Variants in AIRE observed in about 807,000 individuals in gnomAD.
AIRE encodes autoimmune polyendocrinopathy candidiasis ectodermal dystrophy protein.
In AIRE, 52 loss-of-function variants were observed where a neutral mutation model predicts 62.1. The ratio of observed to expected loss-of-function variants is 0.84; its 90% CI spans 0.67 to 1.06. AIRE has a LOEUF of 1.06. AIRE is among the 50% of genes least tolerant of loss of function. AIRE has a pLI of 0.00. For synonymous variants in AIRE, 342 were observed against 321.6 expected, an observed-to-expected ratio of 1.06 and a Z score of -0.68; for missense variants, 774 against 755.8, an observed-to-expected ratio of 1.02 and a Z score of -0.28.
At position 44,292,474 on chromosome 21, in the gene AIRE, AC is replaced by A. The variant is rs5844181; in HGVS notation, c.1095+78del. Reference sequence around the variant, plus strand: ...GCCACGCCCCCTCCTAGGCTGGGCCACCCCCTCCTGTCCGTCTGTCCCCTGG... The same window carrying A: ...GCCACGCCCCCTCCTAGGCTGGGCCACCCCTCCTGTCCGTCTGTCCCCTGG... On this transcript the variant is annotated intron_variant, in intron 9 of 13. Transcript: ENST00000291582. The A allele has an allele frequency of 0.57, 551,431 of 974,864 alleles. 161,774 individuals carry two copies. The highest frequency in any genetic ancestry group is 0.62 in the East Asian group (23,377 of 37,790). 60.4% of individuals were successfully genotyped at this position (974,864 alleles called of 1,614,324 possible). A position where few individuals can be genotyped will look rare whatever the true frequency, so the allele number is the denominator to read the frequency against.
chr21:44,293,753 G>A (rs1568929951), intron 10 of AIRE, 36 bp from the exon 11 acceptor site: 1 of 1,594,976 alleles, frequency 6.3e-7, no homozygotes, highest in South Asian at 1.1e-5. Flanking sequence ...ATTTCCCCCG[G>A]CCCCCCGCGT....
chr21:44,293,212 G>A lies in AIRE; in HGVS notation c.1278+37G>A, dbSNP rs764768203. The A allele has an allele frequency of 5.0e-5, 75 of 1,514,264 alleles. No individual in the cohort carries two copies. The African/African-American group carries it at 9.9e-4, about 20-fold the overall frequency. The allele number at this position is 1,514,264 out of a possible 1,614,324, so 93.8% of individuals were successfully genotyped here. A position where few individuals can be genotyped will look rare whatever the true frequency, so the allele number is the denominator to read the frequency against. On this transcript the variant is annotated intron_variant, in intron 10 of 13. Coordinates refer to ENST00000291582, the MANE Select transcript of AIRE (RefSeq NM_000383.4). ...GTGGGGGTCAGGGTGGGCTCTTCAA[G>A]GAGCCCAGGACCTACGGGGCGGATG...
At chr21:44,289,955 T>C in intron 6 of AIRE, 33 bp from the exon 7 acceptor site, 1 of 1,606,204 alleles carries the variant, frequency 6.2e-7, no homozygotes, top group Non-Finnish European at 8.5e-7. Context: ...CTGCTGAGGC[T>C]GCCCCCATTG....
In AIRE at chr21:44,286,148, C is replaced by G; in HGVS notation, c.132+10C>G. 6.5e-7 allele frequency: 1 copy of G among 1,544,944 alleles called. No individual in the cohort carries two copies. Among genetic ancestry groups the G allele is most frequent in the Non-Finnish European group, 8.7e-7 (1 of 1,145,690 alleles). ...CGAGGACAAGTTTCAGGTGGGCTCC[C>G]CGCCCGCCCCCCGCTGCCCCCAGGC... On this transcript the variant is annotated intron_variant, in intron 1 of 13. Coordinates refer to ENST00000291582, the MANE Select transcript of AIRE (RefSeq NM_000383.4). This position sits in a 1 kb window ranked among gnomAD's most constrained non-coding sequence, Gnocchi z 6.0.
At position 44,286,846 on chromosome 21, in the gene AIRE, G is replaced by A; in HGVS notation, c.307+115G>A. 6.4e-7 allele frequency: 1 copy of A among 1,561,956 alleles called. No homozygotes were observed. Among genetic ancestry groups the A allele is most frequent in the East Asian group, 2.3e-5 (1 of 44,276 alleles). ...TGAGGAGCCCGTGGGTGATGTTCCA[G>A]GACCGTCTTGGATCCTAAGAGGCAA... is the stretch of plus-strand genomic sequence containing the variant. On this transcript the variant is annotated intron_variant, in intron 2 of 13. Transcript: ENST00000291582. This position sits in a 1 kb window ranked among gnomAD's most constrained non-coding sequence, Gnocchi z 6.0.
intron 5 of AIRE, chr21:44,289,446 A>C: frequency 1.6e-6 from 1 of 612,584 alleles, no homozygotes; most frequent in Admixed American, 3.0e-5. Context: ...TTCTGGGTGG[A>C]CGTGAACTTC....
rs754316070 is a variant in AIRE at position 44,286,096 on chromosome 21, C to A, written c.90C>A (p.His30Gln). The change falls in exon 1 of 14, where the codon CAC becomes CAA. Residue 30 changes from histidine to glutamine, a missense_variant. By Grantham distance (24) the His-to-Gln change is conservative. Transcript: ENST00000291582. This position sits in a 1 kb window ranked among gnomAD's most constrained non-coding sequence, Gnocchi z 6.0. The part of the protein sequence containing the change: ...VAVDSAFPLL[H>Q]ALADHDVVPE... Reference sequence around the variant, plus strand: ...TGGACAGCGCCTTCCCACTGCTGCACGCGCTGGCTGACCACGACGTGGTCC... The same window carrying A: ...TGGACAGCGCCTTCCCACTGCTGCAAGCGCTGGCTGACCACGACGTGGTCC... The A allele has an allele frequency of 6.5e-7, 1 of 1,546,652 alleles. No homozygotes were observed. Among genetic ancestry groups the A allele is most frequent in the Non-Finnish European group, 8.7e-7 (1 of 1,146,598 alleles).
Position 44,297,570 on chromosome 21 carries a change from A to T in AIRE, c.1567-86A>T. On this transcript the variant is annotated intron_variant, in intron 13 of 13. Transcript: ENST00000291582. This position sits in a 1 kb window ranked among gnomAD's most constrained non-coding sequence, Gnocchi z 4.8. ...ACCTTTGACTTAGAGGGAAGGTTGG[A>T]TGGTGACTTCTTGTAACGATGGCCA... 2.4e-6 allele frequency: 3 copies of T among 1,276,052 alleles called. No individual in the cohort carries two copies. The highest frequency in any genetic ancestry group is 3.4e-6 in the Non-Finnish European group (3 of 884,232). 79.0% of individuals were successfully genotyped at this position (1,276,052 alleles called of 1,614,324 possible).
chr21:44,288,151 C>T (rs542108763), intron 4 of AIRE, among the ~76,000 whole-genome samples, 194 bp from the exon 5 acceptor site: 8 of 152,352 alleles, frequency 5.3e-5, no homozygotes, highest in East Asian at 1.9e-4. Context: ...GGTGCACACA[C>T]GAACACACAC....
chr21:44,297,935 G>T lies in AIRE; in HGVS notation c.*208G>T. 3.4e-6 allele frequency: 2 copies of T among 587,086 alleles called. No individual in the cohort carries two copies. The highest frequency in any genetic ancestry group is 6.2e-6 in the Non-Finnish European group (2 of 324,914). 36.4% of individuals were successfully genotyped at this position (587,086 alleles called of 1,614,324 possible). A position where few individuals can be genotyped will look rare whatever the true frequency, so the allele number is the denominator to read the frequency against. ...CCTGCCCCACTTCTCTACTCTGGAA[G>T]TCCCCGGGAGCCTCTCCTTGCCTGG... On this transcript the variant is annotated 3_prime_UTR_variant, in exon 14 of 14. Coordinates refer to ENST00000291582, the MANE Select transcript of AIRE (RefSeq NM_000383.4). The surrounding 1 kb of genome is among the most constrained non-coding windows in gnomAD (Gnocchi z 4.8).
At chr21:44,294,805 G>C (rs2040588569) in intron 12 of AIRE, among the ~76,000 whole-genome samples, 2 of 152,154 alleles carry the variant, frequency 1.3e-5, no homozygotes, top group Admixed American at 1.3e-4. Flanking sequence ...TCCCTGGTGG[G>C]GTGAAGGGAG....
intron 13 of AIRE, among the ~76,000 whole-genome samples, chr21:44,296,805 A>G (rs1375716490): frequency 7.0e-6 from 1 of 142,130 alleles, no homozygotes; most frequent in Non-Finnish European, 1.5e-5. Context: ...CCACTTTCCC[A>G]GGGAGGGTGG....
At chr21:44,288,510 A>G (rs2040504421) in intron 5 of AIRE, 52 bp downstream of exon 5, 6 of 1,380,248 alleles carry the variant, frequency 4.3e-6, no homozygotes, top group Non-Finnish European at 6.2e-6. Flanking sequence ...AGGCTCCAAG[A>G]TGGAAGGAGG....
intron 12 of AIRE, among the ~76,000 whole-genome samples, chr21:44,294,884 A>G (rs190008493): frequency 6.6e-6 from 1 of 151,998 alleles, no homozygotes; most frequent in African/African-American, 2.4e-5. Flanking sequence ...TCTCACCCCC[A>G]GCCCTCCCTG....
In AIRE at chr21:44,286,173, C is replaced by T. The variant is rs1413243435; in HGVS notation, c.132+35C>T. On this transcript the variant is annotated intron_variant, in intron 1 of 13. Coordinates refer to ENST00000291582, the MANE Select transcript of AIRE (RefSeq NM_000383.4). The surrounding 1 kb of genome is among the most constrained non-coding windows in gnomAD (Gnocchi z 6.0). ...CCGCCCGCCCCCCGCTGCCCCCAGGCCCTGTGAGCCAGGGATAGTCCCCGG... is the reference window on the plus strand; with the variant it reads ...CCGCCCGCCCCCCGCTGCCCCCAGGTCCTGTGAGCCAGGGATAGTCCCCGG... 9.1e-6 allele frequency: 14 copies of T among 1,532,660 alleles called. No individual in the cohort carries two copies. The highest frequency in any genetic ancestry group is 6.1e-6 in the Non-Finnish European group (7 of 1,138,550). The allele number at this position is 1,532,660 out of a possible 1,614,324, so 94.9% of individuals were successfully genotyped here.
chr21:44,285,986 C>T lies in AIRE; in HGVS notation c.-21C>T. 6.6e-7 allele frequency: 1 copy of T among 1,525,612 alleles called. No individual in the cohort carries two copies. Among genetic ancestry groups the T allele is most frequent in the South Asian group, 1.2e-5 (1 of 83,520 alleles). 94.5% of individuals were successfully genotyped at this position (1,525,612 alleles called of 1,614,324 possible). A position where few individuals can be genotyped will look rare whatever the true frequency, so the allele number is the denominator to read the frequency against. On this transcript the variant is annotated 5_prime_UTR_variant, in exon 1 of 14. Transcript: ENST00000291582. ...GGGACCCACCGCGTCCGCCCCAGCC[C>T]CGGGTCCCCGCGCCCACCCCATGGC...
chr21:44,287,617 T>C lies in AIRE; in HGVS notation c.538+26T>C. On this transcript the variant is annotated intron_variant, in intron 4 of 13. Coordinates refer to ENST00000291582, the MANE Select transcript of AIRE (RefSeq NM_000383.4). This position sits in a 1 kb window ranked among gnomAD's most constrained non-coding sequence, Gnocchi z 4.3. ...GTGAGCGGGGCCCAGTGGGAGCGCCTCCCTTCTCCCTGGCCAGGGGCAAGG... is the reference window on the plus strand; with the variant it reads ...GTGAGCGGGGCCCAGTGGGAGCGCCCCCCTTCTCCCTGGCCAGGGGCAAGG... 4 of 1,544,044 alleles carry C rather than the reference T, an allele frequency of 2.6e-6. No homozygotes were observed. The highest frequency in any genetic ancestry group is 2.6e-6 in the Non-Finnish European group (3 of 1,143,076).
At chr21:44,293,654 T>G in intron 10 of AIRE, 135 bp from the exon 11 acceptor site, 125 of 1,414,098 alleles carry the variant, frequency 8.8e-5, no homozygotes, top group Non-Finnish European at 1.1e-4. Flanking sequence ...CGTGGCACCG[T>G]GAGGCTCCTC....
chr21:44,293,222 A>G, intron 10 of AIRE, 47 bp downstream of exon 10: 1 of 1,478,200 alleles, frequency 6.8e-7, no homozygotes, highest in Non-Finnish European at 9.0e-7. Flanking sequence ...GGAGCCCAGG[A>G]CCTACGGGGC....
Sources: gnomAD v4.1 joint callset for allele counts (sites outside exome capture counted in the v4.1 genomes callset) on GRCh38, gnomAD v4.1.1 for gene constraint, Gnocchi (gnomAD v3.1) non-coding constraint, MANE v1.5 for transcripts, NCBI Gene and HGNC (gene_info 2026-07-23, HGNC 2026-07-21) for gene names.